The following MFN1 variants were observed in gnomAD, a reference collection of about 807,000 sequenced individuals.
The protein encoded by MFN1 is mitofusin-1.
MFN1 carries 65 observed loss-of-function variants against 92.4 expected under a neutral mutation model. The observed-to-expected ratio is 0.70, with a 90% CI of 0.58 to 0.86. The LOEUF is 0.86. MFN1 is among the 40% of genes least tolerant of loss of function. The pLI, the probability that MFN1 is intolerant of heterozygous loss-of-function variation, is 0.00. For synonymous variants in MFN1, 297 were observed against 300.9 expected, an observed-to-expected ratio of 0.99 and a Z score of 0.13; for missense variants, 781 against 868.0, an observed-to-expected ratio of 0.90 and a Z score of 1.26.
chr3:179,390,481 G>T (rs756021489), intron 17 of MFN1, among the ~76,000 whole-genome samples: 2 of 152,126 alleles, frequency 1.3e-5, no homozygotes, highest in Non-Finnish European at 2.9e-5. Flanking sequence ...ATTTTTAGTT[G>T]TGTATGTCCA....
intron 2 of MFN1, among the ~76,000 whole-genome samples, chr3:179,350,432 T>A (rs554071635): frequency 2.3e-4 from 35 of 152,272 alleles, no homozygotes; most frequent in African/African-American, 8.4e-4. Flanking sequence ...TAATTTGAGC[T>A]GGCACAGTTG....
intron 16 of MFN1, 110 bp downstream of exon 16, chr3:179,386,739 C>T (rs1713701336): frequency 9.6e-7 from 1 of 1,044,322 alleles, no homozygotes; most frequent in South Asian, 1.6e-5. Context: ...ACAAAATGAA[C>T]ATGTTTCGTG....
chr3:179,365,601 A>G (rs1337499566), intron 7 of MFN1, among the ~76,000 whole-genome samples: 3 of 152,160 alleles, frequency 2.0e-5, no homozygotes, highest in African/African-American at 7.2e-5. Flanking sequence ...CTGTTTCAAA[A>G]TCCAGATCAA....
At chr3:179,375,587 A>T (rs1163153995) in intron 10 of MFN1, among the ~76,000 whole-genome samples, 2 of 152,224 alleles carry the variant, frequency 1.3e-5, no homozygotes, top group African/African-American at 4.8e-5. Flanking sequence ...TGTGATTTTT[A>T]AAATGTTTTG....
At chr3:179,367,858 G>A (rs1030635588) in intron 8 of MFN1, among the ~76,000 whole-genome samples, 178 bp from the exon 9 acceptor site, 1 of 151,496 alleles carries the variant, frequency 6.6e-6, no homozygotes, top group Non-Finnish European at 1.5e-5. Context: ...AGGAGGCGGA[G>A]GTTGCAGCGA....
At chr3:179,373,130 T>G in intron 9 of MFN1, among the ~76,000 whole-genome samples, 1 of 152,302 alleles carries the variant, frequency 6.6e-6, no homozygotes, top group Non-Finnish European at 1.5e-5. Context: ...AAGTAATGGC[T>G]TCAGAGTTAA....
intron 14 of MFN1, among the ~76,000 whole-genome samples, chr3:179,382,523 AG>A (rs1713510308): frequency 6.6e-6 from 1 of 152,244 alleles, no homozygotes; most frequent in South Asian, 2.1e-4. Flanking sequence ...GTAGTGCTGC[AG>A]TAAACATATG....
At chr3:179,374,255 A>G (rs1389694741) in intron 9 of MFN1, among the ~76,000 whole-genome samples, 2 of 149,788 alleles carry the variant, frequency 1.3e-5, no homozygotes, top group East Asian at 2.0e-4. Flanking sequence ...GTGAGTCGAG[A>G]TCATGCCATT....
chr3:179,351,312 TGATGA>T (rs1712137603), intron 2 of MFN1, among the ~76,000 whole-genome samples: 2 of 152,236 alleles, frequency 1.3e-5, no homozygotes, highest in Admixed American at 1.3e-4. Flanking sequence ...GGATACAATC[TGATGA>T]GATCGAGTGC....
Position 179,391,478 on chromosome 3 carries a change from G to A in MFN1, c.2148-503G>A, listed in dbSNP as rs370042170. 3.9e-5 allele frequency among the ~76,000 whole-genome samples: 6 copies of A among 152,260 alleles called. 2 individuals carry two copies. The highest frequency in any genetic ancestry group is 2.1e-4 in the South Asian group (1 of 4,818). ...GCTACCTCAAGAAATATATACAGTAGAGTTCAGAGCTGATGTATACTTGTA... is the reference window on the plus strand; with the variant it reads ...GCTACCTCAAGAAATATATACAGTAAAGTTCAGAGCTGATGTATACTTGTA... On this transcript the variant is annotated intron_variant, in intron 17 of 17. Transcript: ENST00000471841.
At chr3:179,379,346 A>T (rs6443644) in intron 14 of MFN1, among the ~76,000 whole-genome samples, 75,857 of 151,272 alleles carry the variant, frequency 0.5, 20,021 homozygotes, top group African/African-American at 0.66. Context: ...TTTAAAAAAA[A>T]TTTTTTTTTG....
chr3:179,373,706 C>T (rs1381161727), intron 9 of MFN1, among the ~76,000 whole-genome samples: 1 of 151,894 alleles, frequency 6.6e-6, no homozygotes, highest in Non-Finnish European at 1.5e-5. Flanking sequence ...CAGAGTCTCG[C>T]TCTGTCGCCC....
chr3:179,365,896 C>T (rs1261370207), intron 7 of MFN1, among the ~76,000 whole-genome samples: 6 of 152,166 alleles, frequency 3.9e-5, no homozygotes, highest in Non-Finnish European at 5.9e-5. Context: ...TGTGACTATA[C>T]TACAATTGAT....
At position 179,377,423 on chromosome 3, in the gene MFN1, C is replaced by T; in HGVS notation, c.1304C>T (p.Pro435Leu). The T allele has an allele frequency of 6.3e-7, 1 of 1,594,574 alleles. No homozygotes were observed. Among genetic ancestry groups the T allele is most frequent in the Non-Finnish European group, 8.6e-7 (1 of 1,167,056 alleles). Reference protein sequence around the residue: ...DEFCSEFHPNPDVLKIYKSEL... With the variant: ...DEFCSEFHPNLDVLKIYKSEL... ...TTTTGTTCAGAGTTTCATCCTAATC[C>T]AGATGTATTAAAAATATATAAAAGT... Residue 435 changes from proline to leucine, a missense_variant, in exon 12 of 18, where the codon CCA (proline) becomes CTA (leucine). By Grantham distance (98) the Pro-to-Leu change is moderately conservative (BLOSUM62 -3). Transcript: ENST00000471841.
intron 17 of MFN1, 63 bp downstream of exon 17, chr3:179,390,201 A>T: frequency 2.3e-6 from 3 of 1,296,300 alleles, no homozygotes; most frequent in Non-Finnish European, 3.1e-6. Flanking sequence ...AATATGTAAA[A>T]TTATTAATGA....
At chr3:179,368,887 A>G (rs1712910279) in intron 9 of MFN1, among the ~76,000 whole-genome samples, 1 of 152,220 alleles carries the variant, frequency 6.6e-6, no homozygotes, top group Non-Finnish European at 1.5e-5. Context: ...AATTATTCTT[A>G]TAAGTAGTAA....
intron 14 of MFN1, among the ~76,000 whole-genome samples, chr3:179,383,169 C>G (rs1349858638): frequency 6.6e-6 from 1 of 152,142 alleles, no homozygotes; most frequent in Non-Finnish European, 1.5e-5. Context: ...ATGATATTGC[C>G]TAGGTTTTCT....
intron 16 of MFN1, 61 bp downstream of exon 16, chr3:179,386,690 GA>G: frequency 6.9e-7 from 1 of 1,438,968 alleles, no homozygotes. Flanking sequence ...CATACATGCA[GA>G]AAAAGCACAA....
chr3:179,390,261 T>C (rs1713851004), intron 17 of MFN1, 123 bp downstream of exon 17: 1 of 871,294 alleles, frequency 1.1e-6, no homozygotes, highest in African/African-American at 1.8e-5. Context: ...ATGAAAATCT[T>C]CCATATTTAA....
Sources: allele counts gnomAD v4.1 joint callset (sites outside exome capture counted in the v4.1 genomes callset), GRCh38; gene constraint gnomAD v4.1.1; transcripts MANE v1.5; gene names NCBI Gene and HGNC (gene_info 2026-07-23, HGNC 2026-07-21).